The following CD9 variants were observed in gnomAD, a reference collection of about 807,000 sequenced individuals.
CD9 encodes the protein CD9 antigen.
Under a neutral mutation model 31.4 loss-of-function variants are expected in CD9, and 10 were observed. The ratio of observed to expected loss-of-function variants is 0.32; its 90% CI spans 0.20 to 0.54. CD9 has a LOEUF of 0.54. Among genes scored for constraint, CD9 ranks in the 20% least tolerant of loss-of-function variants. The pLI is 0.94. For missense variants in CD9, 259 were observed against 300.1 expected, an observed-to-expected ratio of 0.86 and a Z score of 1.01; for synonymous variants, 113 against 114.1, an observed-to-expected ratio of 0.99 and a Z score of 0.06.
chr12:6,224,422 C>G (rs531353021), intron 1 of CD9, among the ~76,000 whole-genome samples: 1 of 152,122 alleles, frequency 6.6e-6, no homozygotes, highest in African/African-American at 2.4e-5. Flanking sequence ...CCCACTATTG[C>G]CACATCTGCT....
chr12:6,232,648 C>A lies in CD9; in HGVS notation c.192C>A (p.Ile64=). ...SSFYTGVYIL[I]GAGALMMLVG... ...CTCCCGCAGGAGTCTATATTCTGAT[C>A]GGAGCCGGCGCCCTCATGATGCTGG... Residue 64 remains isoleucine (I), a synonymous_variant, in exon 3 of 8, where the codon ATC becomes ATA. Coordinates refer to ENST00000009180, the MANE Select transcript of CD9 (RefSeq NM_001769.4). This position sits in a 1 kb window ranked among gnomAD's most constrained non-coding sequence, Gnocchi z 4.8. 2 of 1,576,200 alleles carry A rather than the reference C, an allele frequency of 1.3e-6. No individual in the cohort carries two copies. The highest frequency in any genetic ancestry group is 1.7e-6 in the Non-Finnish European group (2 of 1,163,166).
Position 6,236,589 on chromosome 12 carries a change from G to A in CD9, c.621+314G>A, listed in dbSNP as rs554372857. The stretch of plus-strand genomic sequence containing the variant: ...TAGTCCTCGGAGCATGTCTCCTCAC[G>A]CACCTGCTGTTCTTCTCCCTAAGAA... On this transcript the variant is annotated intron_variant, in intron 7 of 7. Transcript: ENST00000009180. 20 of 450,064 alleles carry A rather than the reference G, an allele frequency of 4.4e-5. No individual in the cohort carries two copies. In the Middle Eastern group the frequency reaches 1.7e-3, roughly 38 times the overall value. 27.9% of individuals were successfully genotyped at this position (450,064 alleles called of 1,614,324 possible).
chr12:6,232,616 C>T lies in CD9; in HGVS notation c.176-16C>T, dbSNP rs1317866536. On this transcript the variant is annotated splice_polypyrimidine_tract_variant and intron_variant, in intron 2 of 7. Transcript: ENST00000009180. The surrounding 1 kb of genome is among the most constrained non-coding windows in gnomAD (Gnocchi z 4.8). ...TGATGTCTCCACGCGTGTGTGCTTC[C>T]TCTGTCCTCCCGCAGGAGTCTATAT... 4.6e-6 allele frequency: 7 copies of T among 1,528,818 alleles called. 1 individual carries two copies. The South Asian group carries it at 8.3e-5, about 18-fold the overall frequency. The allele number at this position is 1,528,818 out of a possible 1,614,324, so 94.7% of individuals were successfully genotyped here.
intron 2 of CD9, among the ~76,000 whole-genome samples, chr12:6,230,891 G>A (rs1157803262): frequency 6.6e-6 from 1 of 152,240 alleles, no homozygotes; most frequent in Admixed American, 6.5e-5. Flanking sequence ...ACCTCACGAC[G>A]GATGTGGGGG....
In CD9 at chr12:6,210,200, G is replaced by A. The variant is rs1169952391; in HGVS notation, c.66+9635G>A. ...GGTTCTGGGGAAGGGCAGAGGCTCC[G>A]GGTCCCACTCTGGGGCTGTTTTCAC... On this transcript the variant is annotated intron_variant, in intron 1 of 7. Coordinates refer to ENST00000009180, the MANE Select transcript of CD9 (RefSeq NM_001769.4). Among the ~76,000 whole-genome samples the A allele has an allele frequency of 3.9e-5, 6 of 152,284 alleles. No individual in the cohort carries two copies. The East Asian group carries it at 7.7e-4, about 20-fold the overall frequency.
intron 1 of CD9, among the ~76,000 whole-genome samples, chr12:6,218,219 C>T (rs1224997265): frequency 7.7e-6 from 1 of 130,400 alleles, no homozygotes; most frequent in East Asian, 2.2e-4. Context: ...CAGAGTGAGA[C>T]CCTGTCTCAA....
In CD9 at chr12:6,235,335, G is replaced by A. The variant is rs11568266; in HGVS notation, c.447+8G>A. On this transcript the variant is annotated splice_region_variant and intron_variant, in intron 5 of 7. Transcript: ENST00000009180. ...AAAGCCATCCACTATGCGGTATGTC[G>A]CCTTGGCAAAGACACCCTCCTGCGC... 1.0e-3 allele frequency: 1,635 copies of A among 1,614,200 alleles called. 8 individuals carry two copies. In the African/African-American group the frequency reaches 0.014, roughly 14 times the overall value.
chr12:6,235,608 C>A, intron 6 of CD9, 43 bp downstream of exon 6: 2 of 1,565,694 alleles, frequency 1.3e-6, no homozygotes, highest in South Asian at 1.2e-5. Flanking sequence ...CCCCATTGCT[C>A]TGGACAAACC....
chr12:6,223,058 GCAT>G (rs373746816), intron 1 of CD9, among the ~76,000 whole-genome samples: 14 of 152,326 alleles, frequency 9.2e-5, no homozygotes, highest in African/African-American at 3.4e-4. Context: ...GCGCGCAAGA[GCAT>G]CACAAGACCA....
At chr12:6,220,467 C>T (rs1207346744) in intron 1 of CD9, among the ~76,000 whole-genome samples, 1 of 152,114 alleles carries the variant, frequency 6.6e-6, no homozygotes, top group African/African-American at 2.4e-5. Flanking sequence ...GGTTAAGACG[C>T]CAGCTCAGGG....
intron 2 of CD9, among the ~76,000 whole-genome samples, chr12:6,230,255 A>T (rs1362139293): frequency 6.6e-6 from 1 of 152,222 alleles, no homozygotes; most frequent in Non-Finnish European, 1.5e-5. Context: ...GTAGCCATCC[A>T]CGCAAGATTT....
chr12:6,214,734 G>A (rs1946226843), intron 1 of CD9, among the ~76,000 whole-genome samples: 1 of 152,124 alleles, frequency 6.6e-6, no homozygotes, highest in Admixed American at 6.5e-5. Flanking sequence ...CAGCGAGCTG[G>A]CCTAGGGAGC....
rs1425014222 is a variant in CD9 at position 6,236,233 on chromosome 12, C to T, written c.579C>T (p.Phe193=). Residue 193 remains phenylalanine, a synonymous_variant, in exon 7 of 8, where the codon TTC becomes TTT. Coordinates refer to ENST00000009180, the MANE Select transcript of CD9 (RefSeq NM_001769.4). ...DAIKEVFDNK[F]HIIGAVGIGI... ...TCAAAGAGGTCTTCGACAATAAATTCCACATCATCGGCGCAGTGGGCATCG... is the reference window on the plus strand; with the variant it reads ...TCAAAGAGGTCTTCGACAATAAATTTCACATCATCGGCGCAGTGGGCATCG... The T allele has an allele frequency of 1.2e-6, 2 of 1,614,196 alleles. No individual in the cohort carries two copies. Among genetic ancestry groups the T allele is most frequent in the Admixed American group, 1.7e-5 (1 of 60,032 alleles).
chr12:6,223,215 G>A (rs1946315063), intron 1 of CD9, among the ~76,000 whole-genome samples: 1 of 151,902 alleles, frequency 6.6e-6, no homozygotes, highest in African/African-American at 2.4e-5. Context: ...GACTGACTGG[G>A]CCTCCCTGGG....
chr12:6,237,729 C>T, intron 7 of CD9, 34 bp from the exon 8 acceptor site: 1 of 1,550,760 alleles, frequency 6.4e-7, no homozygotes, highest in Non-Finnish European at 8.9e-7. Flanking sequence ...CAGATCAAAC[C>T]ACCCTGATCC....
At chr12:6,231,068 G>C (rs1416247812) in intron 2 of CD9, among the ~76,000 whole-genome samples, 1 of 152,188 alleles carries the variant, frequency 6.6e-6, no homozygotes, top group Admixed American at 6.5e-5. Flanking sequence ...GGTTCTCATC[G>C]AGTGTCCTGC....
At chr12:6,214,215 CTG>C (rs1051173916) in intron 1 of CD9, among the ~76,000 whole-genome samples, 4 of 152,104 alleles carry the variant, frequency 2.6e-5, no homozygotes, top group Admixed American at 6.5e-5. Context: ...CAGTGAGAGA[CTG>C]TACATAAACC....
chr12:6,200,178 A>G (rs1277346482), upstream of CD9: 2 of 151,730 alleles, frequency 1.3e-5, no homozygotes. Context: ...TAGGCGGGGA[A>G]ACAGGGAGAG....
chr12:6,225,686 G>C, intron 2 of CD9, 152 bp downstream of exon 2: 1 of 596,146 alleles, frequency 1.7e-6, no homozygotes, highest in Non-Finnish European at 3.0e-6. Flanking sequence ...AAGTTGTGCA[G>C]TTTTTGTGTG....
Sources: gnomAD v4.1 joint callset for allele counts (sites outside exome capture counted in the v4.1 genomes callset) on GRCh38, gnomAD v4.1.1 for gene constraint, Gnocchi (gnomAD v3.1) non-coding constraint, MANE v1.5 for transcripts, NCBI Gene and HGNC (gene_info 2026-07-23, HGNC 2026-07-21) for gene names.